The following SYS1 variants were observed in gnomAD, a reference collection of about 807,000 sequenced individuals.
The protein encoded by SYS1 is SYS1 golgi trafficking protein.
SYS1 carries 8 observed loss-of-function variants against 17.8 expected under a neutral mutation model. That is an observed-to-expected ratio of 0.45 (90% CI 0.26 to 0.81). The LOEUF is 0.81. SYS1 is among the 40% of genes least tolerant of loss of function. SYS1 has a pLI of 0.16. For missense variants in SYS1, 161 were observed against 203.9 expected, an observed-to-expected ratio of 0.79 and a Z score of 1.28; for synonymous variants, 95 against 90.9, an observed-to-expected ratio of 1.05 and a Z score of -0.26.
chr20:45,374,386 C>A, exon 4 of SYS1: 1 of 628,262 alleles, frequency 1.6e-6, no homozygotes, highest in Non-Finnish European at 2.8e-6. Flanking sequence ...ATCCTCCGAC[C>A]TCAGCCTCCT....
intron 3 of SYS1, 21 bp downstream of exon 3, chr20:45,365,707 T>C (rs1162619943): frequency 6.2e-7 from 1 of 1,612,970 alleles, no homozygotes; most frequent in African/African-American, 1.3e-5. Context: ...CCAGTTTTGC[T>C]ATCCAGCTTT....
chr20:45,368,914 C>T lies in SYS1; in HGVS notation c.*1799C>T. 1.0e-6 allele frequency: 1 copy of T among 975,724 alleles called. No homozygotes were observed. Among genetic ancestry groups the T allele is most frequent in the South Asian group, 4.7e-5 (1 of 21,132 alleles). 60.4% of individuals were successfully genotyped at this position (975,724 alleles called of 1,614,324 possible). A position where few individuals can be genotyped will look rare whatever the true frequency, so the allele number is the denominator to read the frequency against. ...TGGAGCGCCTCTTTGGGATTCACTT[C>T]AAGGTCTTGTGCCTATTTTTCTGCA... is the stretch of plus-strand genomic sequence containing the variant. On this transcript the variant is annotated 3_prime_UTR_variant, in exon 4 of 4. Transcript: ENST00000243918.
exon 4 of SYS1, chr20:45,375,939 A>G (rs1988718590): frequency 5.3e-6 from 1 of 189,192 alleles, no homozygotes; most frequent in Admixed American, 5.4e-5. Flanking sequence ...CCCCTGACCC[A>G]CTGGGGCAGG....
intron 2 of SYS1, among the ~76,000 whole-genome samples, chr20:45,364,899 T>C (rs2743423): frequency 0.78 from 119,328 of 152,180 alleles, 47,026 homozygotes; most frequent in African/African-American, 0.84. Flanking sequence ...AATGGCTTTG[T>C]GAGGTTTTTT....
downstream of SYS1, among the ~76,000 whole-genome samples, chr20:45,370,290 G>C (rs1355681477): frequency 6.6e-6 from 1 of 152,120 alleles, no homozygotes; most frequent in East Asian, 1.9e-4. Context: ...GATAAAGGAA[G>C]GTACCTAGAT....
rs1191622653 is a variant in SYS1, at chr20:45,366,910, A to G, written c.266A>G (p.Lys89Arg). The change falls in exon 4 of 4, where the codon AAG becomes AGG. Residue 89 changes from lysine (K) to arginine (R), a missense_variant. By Grantham distance (26) the Lys-to-Arg change is conservative. Coordinates refer to ENST00000243918, the MANE Select transcript of SYS1 (RefSeq NM_033542.4). The stretch of plus-strand genomic sequence containing the variant: ...TTGCTGTACTTCATCCGGCGAGGAA[A>G]GCAGTGTCTGGATTTCACTGTCACT... ...LGLLYFIRRG[K>R]QCLDFTVTVH... The G allele has an allele frequency of 6.2e-7, 1 of 1,614,062 alleles. No homozygotes were observed. Among genetic ancestry groups the G allele is most frequent in the East Asian group, 2.2e-5 (1 of 44,898 alleles).
intron 1 of SYS1, 41 bp downstream of exon 1, chr20:45,363,356 G>A (rs1988285050): frequency 2.8e-6 from 4 of 1,424,592 alleles, no homozygotes; most frequent in African/African-American, 1.4e-5. Flanking sequence ...GGCGGGGGCC[G>A]CGCAGGCGGA....
exon 4 of SYS1, chr20:45,375,459 C>T: frequency 6.2e-7 from 1 of 1,614,124 alleles, no homozygotes; most frequent in Non-Finnish European, 8.5e-7. Context: ...CCCCTGTGGA[C>T]TCTAATTTCT....
downstream of SYS1, among the ~76,000 whole-genome samples, chr20:45,369,770 T>C (rs1023879252): frequency 3.3e-5 from 5 of 151,584 alleles, no homozygotes; most frequent in African/African-American, 1.2e-4. Context: ...CCCAGCTAAT[T>C]TTTGTATTTT....
At chr20:45,374,866 T>A in exon 4 of SYS1, 1 of 808,632 alleles carries the variant, frequency 1.2e-6, no homozygotes, top group Non-Finnish European at 1.9e-6. Flanking sequence ...CCCTTCTGTA[T>A]GATGTTGGTC....
At position 45,374,937 on chromosome 20, in the gene SYS1, A is replaced by T. The variant is rs1988678040; in HGVS notation, c.*643A>T. 3.4e-6 allele frequency: 5 copies of T among 1,483,038 alleles called. No individual in the cohort carries two copies. The South Asian group carries it at 6.5e-5, about 19-fold the overall frequency. 91.9% of individuals were successfully genotyped at this position (1,483,038 alleles called of 1,614,324 possible). A position where few individuals can be genotyped will look rare whatever the true frequency, so the allele number is the denominator to read the frequency against. ...CTCCCAGCACTACCAGCCACACACCACTCAAGACTCCAGATCCTGAACCCT... is the reference window on the plus strand; with the variant it reads ...CTCCCAGCACTACCAGCCACACACCTCTCAAGACTCCAGATCCTGAACCCT... On this transcript the variant is annotated 3_prime_UTR_variant, in exon 4 of 4. Transcript: ENST00000426004.
Position 45,375,451 on chromosome 20 carries a change from C to T in SYS1, c.*1157C>T, listed in dbSNP as rs1386372001. On this transcript the variant is annotated 3_prime_UTR_variant, in exon 4 of 4. Coordinates refer to the SYS1 transcript ENST00000426004. Reference sequence around the variant, plus strand: ...CTTGTACTCTTTTTTCTTAGGGTCCCCTGTGGACTCTAATTTCTTGGACTT... The same window carrying T: ...CTTGTACTCTTTTTTCTTAGGGTCCTCTGTGGACTCTAATTTCTTGGACTT... The T allele has an allele frequency of 3.7e-6, 6 of 1,613,960 alleles. No homozygotes were observed. Among genetic ancestry groups the T allele is most frequent in the African/African-American group, 1.3e-5 (1 of 74,906 alleles).
chr20:45,374,294 A>G, exon 4 of SYS1: 2 of 696,790 alleles, frequency 2.9e-6, no homozygotes, highest in South Asian at 3.0e-5. Flanking sequence ...TTTTTTTAAG[A>G]CAGGGTCTTG....
Position 45,363,552 on chromosome 20 carries a change from C to T in SYS1, c.21C>T (p.Ser7=). The T allele has an allele frequency of 1.9e-6, 3 of 1,573,726 alleles. No homozygotes were observed. Among genetic ancestry groups the T allele is most frequent in the Non-Finnish European group, 2.6e-6 (3 of 1,161,232 alleles). Residue 7 remains serine (S), a synonymous_variant, in exon 2 of 4, where the codon AGC becomes AGT. Transcript: ENST00000243918. ...AGGGCATGGCGGGTCAGTTCCGCAG[C>T]TACGTGTGGGACCCGCTGCTGATCC... MAGQFR[S]YVWDPLLILS... is the part of the protein sequence containing the mutation.
At position 45,368,367 on chromosome 20, in the gene SYS1, T is replaced by A. The variant is rs1457502671; in HGVS notation, c.*1252T>A. 1 of 985,350 alleles carries A rather than the reference T, an allele frequency of 1.0e-6. No homozygotes were observed. The highest frequency in any genetic ancestry group is 1.2e-6 in the Non-Finnish European group (1 of 829,950). The allele number at this position is 985,350 out of a possible 1,614,324, so 61.0% of individuals were successfully genotyped here. ...TCCGTTCCTACTTGCTAGTGATTTC[T>A]GAACATGTTCAATGGAGCGGCACAC... On this transcript the variant is annotated 3_prime_UTR_variant, in exon 4 of 4. Transcript: ENST00000243918.
Position 45,367,701 on chromosome 20 carries a change from CCT to C in SYS1, c.*587_*588del. On this transcript the variant is annotated 3_prime_UTR_variant, in exon 4 of 4. Coordinates refer to ENST00000243918, the MANE Select transcript of SYS1 (RefSeq NM_033542.4). ...CACAAGGAAAATGCACAACCTGTGC[CCT>C]GTTATACACACGTTCATGTGCACCC... The C allele has an allele frequency of 3.0e-6, 3 of 989,986 alleles. No individual in the cohort carries two copies. The highest frequency in any genetic ancestry group is 3.6e-6 in the Non-Finnish European group (3 of 832,512). 61.3% of individuals were successfully genotyped at this position (989,986 alleles called of 1,614,324 possible).
chr20:45,374,597 C>T, exon 4 of SYS1: 1 of 460,718 alleles, frequency 2.2e-6, no homozygotes, highest in Non-Finnish European at 3.8e-6. Flanking sequence ...TTATTTGAGG[C>T]ATGAATCAAT....
At position 45,367,725 on chromosome 20, in the gene SYS1, A is replaced by G; in HGVS notation, c.*610A>G. The stretch of plus-strand genomic sequence containing the variant: ...CCCTGTTATACACACGTTCATGTGC[A>G]CCCAAGAACCTATGACTTTCTTCCA... On this transcript the variant is annotated 3_prime_UTR_variant, in exon 4 of 4. Coordinates refer to ENST00000243918, the MANE Select transcript of SYS1 (RefSeq NM_033542.4). The G allele has an allele frequency of 6.1e-6, 6 of 986,900 alleles. No homozygotes were observed. Among genetic ancestry groups the G allele is most frequent in the Non-Finnish European group, 7.2e-6 (6 of 830,750 alleles). The allele number at this position is 986,900 out of a possible 1,614,324, so 61.1% of individuals were successfully genotyped here. A position where few individuals can be genotyped will look rare whatever the true frequency, so the allele number is the denominator to read the frequency against.
exon 4 of SYS1, chr20:45,374,820 C>A: frequency 1.7e-6 from 1 of 604,372 alleles, no homozygotes; most frequent in East Asian, 2.9e-5. Flanking sequence ...CACACATCTC[C>A]TAGCTGTATC....
Sources: gnomAD v4.1 joint callset for allele counts (sites outside exome capture counted in the v4.1 genomes callset) on GRCh38, gnomAD v4.1.1 for gene constraint, MANE v1.5 for transcripts, NCBI Gene and HGNC (gene_info 2026-07-23, HGNC 2026-07-21) for gene names.